SRCAP: variants seen among roughly 807,000 people sequenced by gnomAD.
SRCAP encodes chromatin remodeling protein SRCAP.
SRCAP carries 46 observed loss-of-function variants against 263.1 expected under a neutral mutation model. The observed-to-expected ratio is 0.17, with a 90% CI of 0.14 to 0.22. The LOEUF (loss-of-function observed/expected upper bound fraction) is 0.22, where lower values mean the gene tolerates loss of function less well. Among genes scored for constraint, SRCAP ranks in the 10% least tolerant of loss-of-function variants. SRCAP has a pLI of 1.00. For synonymous variants in SRCAP, 1,813 were observed against 1,662.1 expected, an observed-to-expected ratio of 1.09 and a Z score of -2.21; for missense variants, 3,695 against 4,181.9, an observed-to-expected ratio of 0.88 and a Z score of 3.21.
At chr16:30,703,693 G>A (rs1289803011) in intron 3 of SRCAP, among the ~76,000 whole-genome samples, 6 of 151,370 alleles carry the variant, frequency 4.0e-5, no homozygotes, top group African/African-American at 1.2e-4. Flanking sequence ...TCAGGAGATC[G>A]AGACCATCCT....
At chr16:30,731,835 G>A (rs1332876028) in intron 27 of SRCAP, among the ~76,000 whole-genome samples, 1 of 152,036 alleles carries the variant, frequency 6.6e-6, no homozygotes, top group Admixed American at 6.6e-5. Context: ...GGGTGACAGG[G>A]TGAGACCTTG....
rs1485004190 is a variant in SRCAP at position 30,740,080 on chromosome 16, T to C, written c.*347T>C. The C allele has an allele frequency of 5.4e-6, 1 of 185,556 alleles. No homozygotes were observed. The highest frequency in any genetic ancestry group is 1.1e-5 in the Non-Finnish European group (1 of 90,298). 11.5% of individuals were successfully genotyped at this position (185,556 alleles called of 1,614,324 possible). A position where few individuals can be genotyped will look rare whatever the true frequency, so the allele number is the denominator to read the frequency against. ...CTCTACAATGAGGTTTTTTTCTTTT[T>C]TTTTTTTTTTTAAGAAGAAAAAATA... On this transcript the variant is annotated 3_prime_UTR_variant, in exon 34 of 34. Coordinates refer to ENST00000262518, the MANE Select transcript of SRCAP (RefSeq NM_006662.3).
At chr16:30,728,047 G>T (rs971456827) in intron 25 of SRCAP, among the ~76,000 whole-genome samples, 41 of 152,238 alleles carry the variant, frequency 2.7e-4, no homozygotes, top group African/African-American at 8.9e-4. Flanking sequence ...GAGTTTATTG[G>T]TTTTTCCGTC....
At chr16:30,701,002 G>A (rs1337727848) in intron 3 of SRCAP, 124 bp downstream of exon 3, 2 of 894,366 alleles carry the variant, frequency 2.2e-6, no homozygotes, top group African/African-American at 3.3e-5. Context: ...CTCGGGGGCT[G>A]GGCTGTAGTA....
chr16:30,723,955 A>ACAGCTC lies in SRCAP; in HGVS notation c.4534_4539dup (p.Ala1512_Pro1513dup). On this transcript the variant is annotated inframe_insertion, in exon 25 of 34. Transcript: ENST00000262518. ...ATCAGCCTTGACTCTAGGTTTGGCCACAGCTCCATCCCTGTCTTCATCTCA... is the reference window on the plus strand; with the variant it reads ...ATCAGCCTTGACTCTAGGTTTGGCCACAGCTCCAGCTCCATCCCTGTCTTCATCTCA... 2 of 1,614,126 alleles carry ACAGCTC rather than the reference A, an allele frequency of 1.2e-6. No individual in the cohort carries two copies. The highest frequency in any genetic ancestry group is 1.6e-4 in the Middle Eastern group (1 of 6,062).
chr16:30,738,381 G>T lies in SRCAP; in HGVS notation c.8341G>T (p.Val2781Phe). 3 of 1,555,426 alleles carry T rather than the reference G, an allele frequency of 1.9e-6. No individual in the cohort carries two copies. Among genetic ancestry groups the T allele is most frequent in the South Asian group, 2.5e-5 (2 of 81,164 alleles). Residue 2781 changes from valine (V) to phenylalanine (F), a missense_variant, in exon 34 of 34, where the codon GTC (valine) becomes TTC (phenylalanine). Physicochemically the swap from Val to Phe is conservative, Grantham distance 50. Transcript: ENST00000262518. ...AGCTGCCAGCACCCTAGTGCCTGGG[G>T]TCTCTGAGACTAGTGCCAGCCCGGG... Reference protein sequence around the residue: ...RGAASTLVPGVSETSASPGSP... With the variant: ...RGAASTLVPGFSETSASPGSP...
intron 8 of SRCAP, 94 bp from the exon 9 acceptor site, chr16:30,710,660 A>T: frequency 8.0e-7 from 1 of 1,246,876 alleles, no homozygotes; most frequent in Non-Finnish European, 1.2e-6. Flanking sequence ...ACTCAATGGG[A>T]CAGTGATTCT....
In SRCAP at chr16:30,720,207, GTC is replaced by G; in HGVS notation, c.2868_2869del (p.Arg957IlefsTer2). The G allele has an allele frequency of 6.2e-7, 1 of 1,613,908 alleles. No individual in the cohort carries two copies. The highest frequency in any genetic ancestry group is 8.5e-7 in the Non-Finnish European group (1 of 1,179,770). ...TGACCTTATTGGCCTGGAAGGTCGTGTCTCTCGATATGAGGCAGACACATTTC... is the reference window on the plus strand; with the variant it reads ...TGACCTTATTGGCCTGGAAGGTCGTGTCTCGATATGAGGCAGACACATTTC... ...RFDLIGLEGR[V>X]SRYEADTFLP... On this transcript the variant is annotated frameshift_variant, in exon 19 of 34. Transcript: ENST00000262518. LOFTEE classifies it high-confidence loss of function.
chr16:30,724,440 C>T lies in SRCAP; in HGVS notation c.5016C>T (p.Leu1672=), dbSNP rs758016218. The change falls in exon 25 of 34, where the codon CTC becomes CTT. Residue 1672 remains leucine, a synonymous_variant. Transcript: ENST00000262518. The part of the protein sequence containing the change: ...TMLPAPVPSP[L]PSPASTQTLA... Reference sequence around the variant, plus strand: ...TACCAGCCCCGGTTCCGTCACCTCTCCCGAGCCCGGCTTCTACGCAGACAC... The same window carrying T: ...TACCAGCCCCGGTTCCGTCACCTCTTCCGAGCCCGGCTTCTACGCAGACAC... 1.2e-6 allele frequency: 2 copies of T among 1,614,248 alleles called. No individual in the cohort carries two copies. Among genetic ancestry groups the T allele is most frequent in the South Asian group, 2.2e-5 (2 of 91,088 alleles).
Position 30,712,151 on chromosome 16 carries a change from G to A in SRCAP, c.1809G>A (p.Thr603=), listed in dbSNP as rs747441379. ...SLQPKGYTLA[T]TQVKTPIPLL... ...AGCCCAAGGGTTACACGCTGGCCAC[G>A]ACCCAGGTATCCCCAGGTTCTGGCC... Residue 603 remains threonine (T), a synonymous_variant, in exon 12 of 34, where the codon ACG becomes ACA. Coordinates refer to ENST00000262518, the MANE Select transcript of SRCAP (RefSeq NM_006662.3). 12 of 1,612,212 alleles carry A rather than the reference G, an allele frequency of 7.4e-6. No homozygotes were observed. Among genetic ancestry groups the A allele is most frequent in the Admixed American group, 3.3e-5 (2 of 59,938 alleles).
At position 30,722,591 on chromosome 16, in the gene SRCAP, G is replaced by A; in HGVS notation, c.3735G>A (p.Gly1245=). Residue 1245 remains glycine, a synonymous_variant, in exon 23 of 34, where the codon GGG becomes GGA. Transcript: ENST00000262518. ...QRNVVHLVSA[G]GQHHLISQPA... ...ATGTGGTGCACCTCGTGTCAGCAGGGGGGCAGCACCATCTCATCAGCCAGC... is the reference window on the plus strand; with the variant it reads ...ATGTGGTGCACCTCGTGTCAGCAGGAGGGCAGCACCATCTCATCAGCCAGC... The A allele has an allele frequency of 6.2e-7, 1 of 1,614,050 alleles. No individual in the cohort carries two copies. The highest frequency in any genetic ancestry group is 1.1e-5 in the South Asian group (1 of 91,072).
At position 30,738,369 on chromosome 16, in the gene SRCAP, C is replaced by T. The variant is rs759430147; in HGVS notation, c.8329C>T (p.Leu2777=). Residue 2777 remains leucine (L), a synonymous_variant, in exon 34 of 34, where the codon CTA becomes TTA. Coordinates refer to ENST00000262518, the MANE Select transcript of SRCAP (RefSeq NM_006662.3). The stretch of plus-strand genomic sequence containing the variant: ...GCAGCAGCGGGGAGCTGCCAGCACC[C>T]TAGTGCCTGGGGTCTCTGAGACTAG... ...RRQQRGAAST[L]VPGVSETSAS... is the part of the protein sequence containing the mutation. 7.0e-6 allele frequency: 11 copies of T among 1,562,818 alleles called. No homozygotes were observed. The African/African-American group carries it at 1.2e-4, about 17-fold the overall frequency.
rs746490538 is a variant in SRCAP at position 30,733,488 on chromosome 16, G to A, written c.6297+39G>A. The A allele has an allele frequency of 1.2e-5, 19 of 1,611,936 alleles. No homozygotes were observed. In the East Asian group the frequency reaches 1.3e-4, roughly 11 times the overall value. ...CTGCAGCTCTTAGAGGCTCACCTCC[G>A]CTTCTCTCTCCTTTTCCCAGGATTT... On this transcript the variant is annotated intron_variant, in intron 28 of 33. Coordinates refer to ENST00000262518, the MANE Select transcript of SRCAP (RefSeq NM_006662.3). The surrounding 1 kb of genome is among the most constrained non-coding windows in gnomAD (Gnocchi z 5.3).
At chr16:30,723,471 G>A (rs920235966) in intron 24 of SRCAP, 113 bp from the exon 25 acceptor site, 15 of 1,504,730 alleles carry the variant, frequency 1.0e-5, no homozygotes, top group Admixed American at 4.6e-5. Flanking sequence ...TCATGTTGTG[G>A]GAGTGAATGC....
intron 6 of SRCAP, 111 bp downstream of exon 6, chr16:30,707,823 T>C (rs544740086): frequency 4.0e-5 from 55 of 1,374,188 alleles, no homozygotes; most frequent in Non-Finnish European, 5.2e-5. Context: ...TTCAGGCAAC[T>C]CTAATGACGT....
Position 30,739,961 on chromosome 16 carries a change from G to A in SRCAP, c.*228G>A. The A allele has an allele frequency of 1.8e-6, 1 of 564,032 alleles. No homozygotes were observed. The highest frequency in any genetic ancestry group is 4.9e-5 in the South Asian group (1 of 20,212). 34.9% of individuals were successfully genotyped at this position (564,032 alleles called of 1,614,324 possible). A position where few individuals can be genotyped will look rare whatever the true frequency, so the allele number is the denominator to read the frequency against. On this transcript the variant is annotated 3_prime_UTR_variant, in exon 34 of 34. Transcript: ENST00000262518. The stretch of plus-strand genomic sequence containing the variant: ...CCCACGTGGCTGGGCAGTGTTAAGG[G>A]TGGCAAGATAGTCTCTGTCCCCACC...
Position 30,738,423 on chromosome 16 carries a change from A to T in SRCAP, c.8383A>T (p.Ser2795Cys). ...SASPGSPSVR[S>C]MSGPESSPPI... ...CAGCCCGGGAAGCCCGTCTGTCCGC[A>T]GCATGTCAGGGCCAGAATCCTCCCC... The change falls in exon 34 of 34, where the codon AGC becomes TGC. Residue 2795 changes from serine (S) to cysteine (C), a missense_variant. By Grantham distance (112) the Ser-to-Cys change is moderately radical. Around this residue, in one of 12 missense-constraint regions of SRCAP, gnomAD observed 1,207 missense variants for 1,142.9 expected, o/e 1.06. Coordinates refer to ENST00000262518, the MANE Select transcript of SRCAP (RefSeq NM_006662.3). 1 of 1,553,982 alleles carries T rather than the reference A, an allele frequency of 6.4e-7. No individual in the cohort carries two copies. Among genetic ancestry groups the T allele is most frequent in the South Asian group, 1.2e-5 (1 of 81,316 alleles).
In SRCAP at chr16:30,716,211, G is replaced by A; in HGVS notation, c.2630+9G>A. On this transcript the variant is annotated intron_variant, in intron 17 of 33. Coordinates refer to ENST00000262518, the MANE Select transcript of SRCAP (RefSeq NM_006662.3). ...TTCATGGCACAGACCACGTAAGGGA[G>A]GAAGGAGGGTGGGCCCTGGGACTCG... The A allele has an allele frequency of 1.9e-6, 3 of 1,614,012 alleles. No homozygotes were observed. The South Asian group carries it at 3.3e-5, about 18-fold the overall frequency.
rs2053038056 is a variant in SRCAP, at chr16:30,724,039, T to G, written c.4615T>G (p.Ser1539Ala). 1 of 1,613,774 alleles carries G rather than the reference T, an allele frequency of 6.2e-7. No homozygotes were observed. Among genetic ancestry groups the G allele is most frequent in the African/African-American group, 1.3e-5 (1 of 74,894 alleles). The change falls in exon 25 of 34, where the codon TCA becomes GCA. Residue 1539 changes from serine (S) to alanine (A), a missense_variant. Ser to Ala is a moderately conservative substitution (Grantham distance 99). Coordinates refer to ENST00000262518, the MANE Select transcript of SRCAP (RefSeq NM_006662.3). ...CTCTTCACATGTTCCAGGGTTGAACTCAACCGTGGCCCCAGCATGCTCACC... is the reference window on the plus strand; with the variant it reads ...CTCTTCACATGTTCCAGGGTTGAACGCAACCGTGGCCCCAGCATGCTCACC... The part of the protein sequence containing the change: ...PTSSHVPGLN[S>A]TVAPACSPVL...
Sources: allele counts gnomAD v4.1 joint callset (sites outside exome capture counted in the v4.1 genomes callset), GRCh38; gene constraint gnomAD v4.1.1; regional missense constraint gnomAD v4.1.1; non-coding constraint Gnocchi (gnomAD v3.1); transcripts MANE v1.5; gene names NCBI Gene and HGNC (gene_info 2026-07-23, HGNC 2026-07-21).